THRB: variants seen among roughly 807,000 people sequenced by gnomAD.
THRB encodes thyroid hormone receptor beta.
THRB carries 12 observed loss-of-function variants against 47.8 expected under a neutral mutation model. The observed-to-expected ratio is 0.25, with a 90% CI of 0.16 to 0.41. The LOEUF is 0.41. Ranked by LOEUF, THRB falls within the 10% of genes least tolerant of loss-of-function variation. The pLI is 1.00. For synonymous variants in THRB, 218 were observed against 212.2 expected (o/e 1.03, Z -0.24); for missense variants, 348 against 589.2 (o/e 0.59, Z 4.24).
chr3:24,332,024 C>T lies in THRB; in HGVS notation c.-189+5276G>A, dbSNP rs147106872. Among the ~76,000 whole-genome samples the T allele has an allele frequency of 3.5e-4, 54 of 152,290 alleles. No homozygotes were observed. In the East Asian group the frequency reaches 5.8e-3, roughly 16 times the overall value. On this transcript the variant is annotated intron_variant, in intron 2 of 10. Coordinates refer to ENST00000646209, the MANE Select transcript of THRB (RefSeq NM_001354712.2). ...GTGTCTCCGCAATGTTCCCTCACAACGAAATCCCACTTTCATTCCGGGTGG... is the reference window on the plus strand; with the variant it reads ...GTGTCTCCGCAATGTTCCCTCACAATGAAATCCCACTTTCATTCCGGGTGG...
At position 24,190,190 on chromosome 3, in the gene THRB, G is replaced by T; in HGVS notation, c.167C>A (p.Pro56Gln). Reference protein sequence around the residue: ...RSTLKNEQSSPHLIQTTWTSS... With the variant: ...RSTLKNEQSSQHLIQTTWTSS... ...AGTCCAAGTGGTCTGGATGAGATGT[G>T]GCGACGACTGTTCATTTTTCAACGT... The change falls in exon 5 of 11, where the codon CCA (proline) becomes CAA (glutamine). Residue 56 changes from proline (P) to glutamine (Q), a missense_variant. Physicochemically the swap from Pro to Gln is moderately conservative, Grantham distance 76. This residue lies in a region of THRB where 148 missense variants were observed against 122.3 expected (regional missense o/e 1.21). Coordinates refer to ENST00000646209, the MANE Select transcript of THRB (RefSeq NM_001354712.2). 6.2e-7 allele frequency: 1 copy of T among 1,614,112 alleles called. No homozygotes were observed. The highest frequency in any genetic ancestry group is 8.5e-7 in the Non-Finnish European group (1 of 1,179,980).
intron 1 of THRB, among the ~76,000 whole-genome samples, chr3:24,389,354 C>T (rs1374811409): frequency 6.6e-6 from 1 of 152,066 alleles, no homozygotes; most frequent in Non-Finnish European, 1.5e-5. Context: ...AGTCAAAACG[C>T]AAGAGTTGAG....
chr3:24,378,439 T>C (rs1393129407), intron 1 of THRB, among the ~76,000 whole-genome samples: 4 of 152,162 alleles, frequency 2.6e-5, no homozygotes, highest in African/African-American at 9.7e-5. Context: ...CCTACTGTAT[T>C]TGCAAAGAGA....
rs553014443 is a variant in THRB, at chr3:24,313,795, A to T, written c.-188-16424T>A. On this transcript the variant is annotated intron_variant, in intron 2 of 10. Transcript: ENST00000646209. ...CAGTTTGGTTCAAAGGCTTTTTTTAAAAAAAAAAACAACTTTAAGATACCA... is the reference window on the plus strand; with the variant it reads ...CAGTTTGGTTCAAAGGCTTTTTTTATAAAAAAAAACAACTTTAAGATACCA... Among the ~76,000 whole-genome samples, 141 of 143,640 alleles carry T rather than the reference A, an allele frequency of 9.8e-4. 3 individuals are homozygous for T. Among genetic ancestry groups the T allele is most frequent in the South Asian group, 9.6e-3 (46 of 4,772 alleles). The allele number at this position is 143,640 out of a possible 152,430, so 94.2% of individuals were successfully genotyped here.
intron 1 of THRB, among the ~76,000 whole-genome samples, chr3:24,385,802 A>G (rs531416932): frequency 6.6e-6 from 1 of 152,084 alleles, no homozygotes; most frequent in Non-Finnish European, 1.5e-5. Flanking sequence ...AGCTTCTAGA[A>G]AATTTCCAGA....
chr3:24,341,209 A>T (rs1288305086), intron 1 of THRB, among the ~76,000 whole-genome samples: 1 of 57,658 alleles, frequency 1.7e-5, no homozygotes, highest in Non-Finnish European at 3.0e-5. Flanking sequence ...TTTCTGTGGT[A>T]AAACAATTAA....
intron 4 of THRB, among the ~76,000 whole-genome samples, chr3:24,203,833 T>C (rs2044912885): frequency 6.6e-6 from 1 of 152,210 alleles, no homozygotes; most frequent in African/African-American, 2.4e-5. Flanking sequence ...CCAATGGCCT[T>C]AGCAAACGGC....
chr3:24,388,526 G>A (rs2066311972), intron 1 of THRB, among the ~76,000 whole-genome samples: 1 of 152,094 alleles, frequency 6.6e-6, no homozygotes, highest in Non-Finnish European at 1.5e-5. Context: ...GAATTCATGG[G>A]GGTAAAACAC....
chr3:24,240,265 A>G (rs997257774), intron 3 of THRB, among the ~76,000 whole-genome samples: 4 of 152,184 alleles, frequency 2.6e-5, no homozygotes, highest in Non-Finnish European at 4.4e-5. Context: ...AGGATATGAG[A>G]AAGAGACACA....
intron 1 of THRB, chr3:24,430,992 T>G (rs142588374): frequency 6.6e-6 from 1 of 152,238 alleles, no homozygotes; most frequent in Admixed American, 6.6e-5. Flanking sequence ...TGTAACCATG[T>G]GCAGTTGTCC....
At chr3:24,166,719 C>T (rs892668083) in intron 5 of THRB, among the ~76,000 whole-genome samples, 6 of 152,096 alleles carry the variant, frequency 3.9e-5, no homozygotes, top group African/African-American at 1.4e-4. Flanking sequence ...AGGGCTCGGC[C>T]TCAGGTGGTT....
intron 1 of THRB, among the ~76,000 whole-genome samples, chr3:24,415,838 T>C (rs2068689134): frequency 6.6e-6 from 1 of 151,846 alleles, no homozygotes; most frequent in East Asian, 1.9e-4. Flanking sequence ...TTAGTGAACT[T>C]ACTGAGTTGA....
chr3:24,395,802 A>G (rs1018654595), intron 1 of THRB, among the ~76,000 whole-genome samples: 3 of 152,154 alleles, frequency 2.0e-5, no homozygotes, highest in African/African-American at 7.2e-5. Flanking sequence ...CCACAAAAAA[A>G]CTTGTACATG....
chr3:24,474,871 G>A (rs1298879579), intron 1 of THRB, among the ~76,000 whole-genome samples: 4 of 152,136 alleles, frequency 2.6e-5, no homozygotes, highest in Non-Finnish European at 5.9e-5. Flanking sequence ...TGCAATACTT[G>A]CTTTTCTTAC....
intron 9 of THRB, among the ~76,000 whole-genome samples, chr3:24,130,277 C>T (rs889163228): frequency 3.3e-5 from 5 of 152,156 alleles, no homozygotes; most frequent in Admixed American, 6.5e-5. Flanking sequence ...ATAAGCTTGC[C>T]ACAACCCATG....
chr3:24,160,330 A>C (rs146758754), intron 5 of THRB, among the ~76,000 whole-genome samples: 174 of 152,320 alleles, frequency 1.1e-3, no homozygotes, highest in Non-Finnish European at 1.7e-3. Context: ...AAGGGCCCCA[A>C]ACCTTGAGAC....
chr3:24,278,668 A>C (rs139714998), intron 3 of THRB, among the ~76,000 whole-genome samples: 2 of 152,256 alleles, frequency 1.3e-5, no homozygotes, highest in Non-Finnish European at 2.9e-5. Context: ...TGGTATTGAA[A>C]TTATCTTTCT....
At chr3:24,464,165 G>T (rs188442936) in intron 1 of THRB, among the ~76,000 whole-genome samples, 7 of 151,178 alleles carry the variant, frequency 4.6e-5, no homozygotes, top group Non-Finnish European at 1.5e-5. Flanking sequence ...AGAATGGCGT[G>T]AACCCGGGAG....
At chr3:24,233,560 G>GAAGAAAGAAAGAGAAAGAAAGAAAGA (rs1553658177) in intron 3 of THRB, among the ~76,000 whole-genome samples, 1,043 of 77,336 alleles carry the variant, frequency 0.013, 19 homozygotes, top group Non-Finnish European at 0.016. Context: ...AAAGAAAAAG[G>GAAGAAAGAAAGAGAAAGAAAGAAAGA]AAGAAAGAAA....
Sources: allele counts gnomAD v4.1 joint callset (sites outside exome capture counted in the v4.1 genomes callset), GRCh38; gene constraint gnomAD v4.1.1; regional missense constraint gnomAD v4.1.1; transcripts MANE v1.5; gene names NCBI Gene and HGNC (gene_info 2026-07-23, HGNC 2026-07-21).